INSL6: variants seen among roughly 807,000 people sequenced by gnomAD.
The protein encoded by INSL6 is insulin-like peptide INSL6.
INSL6 carries 16 observed loss-of-function variants against 9.4 expected under a neutral mutation model. That is an observed-to-expected ratio of 1.70 (90% CI 1.15 to 2.59). The LOEUF is 2.59. INSL6 is among the 30% of genes most tolerant of loss of function. INSL6 has a pLI of 0.00. For missense variants in INSL6, 391 were observed against 257.3 expected (o/e 1.52, Z -3.56); for synonymous variants, 154 against 96.9 (o/e 1.59, Z -3.46).
the INSL6 span, chr9:5,081,630 A>G: frequency 1.9e-3 from 1,471 of 791,790 alleles, 15 homozygotes; most frequent in African/African-American, 0.022. Context: ...AGTATTTTTA[A>G]CTCACGATTA....
downstream of INSL6, among the ~76,000 whole-genome samples, chr9:5,163,696 C>A (rs1212373906): frequency 1.3e-5 from 2 of 152,154 alleles, no homozygotes; most frequent in Non-Finnish European, 2.9e-5. Context: ...ATCAAACCAT[C>A]TCCAGATCTT....
the INSL6 span, chr9:5,097,858 C>T: frequency 6.6e-6 from 1 of 152,210 alleles, no homozygotes; most frequent in Admixed American, 6.5e-5. Flanking sequence ...TTCCCCCATT[C>T]TCAGGTTATA....
chr9:5,111,069 G>A, the INSL6 span: 1 of 1,205,826 alleles, frequency 8.3e-7, no homozygotes, highest in Non-Finnish European at 1.2e-6. Flanking sequence ...TTGAGAACTG[G>A]CCCAGCTCAG....
chr9:5,085,595 C>T, the INSL6 span: 11 of 696,066 alleles, frequency 1.6e-5, no homozygotes, highest in East Asian at 1.8e-4. Flanking sequence ...CCTATAGATA[C>T]TACAGAAAGA....
At chr9:5,057,178 T>C in the INSL6 span, among the ~76,000 whole-genome samples, 2 of 152,152 alleles carry the variant, frequency 1.3e-5, no homozygotes, top group Non-Finnish European at 2.9e-5. Flanking sequence ...TGTTTCTTGC[T>C]GAATTTTATT....
the INSL6 span, chr9:5,069,836 C>T: frequency 4.9e-3 from 3,669 of 744,120 alleles, 19 homozygotes; most frequent in Non-Finnish European, 6.1e-3. Flanking sequence ...ATTTCTTATA[C>T]GTAGAACACA....
chr9:5,117,786 C>T, the INSL6 span, among the ~76,000 whole-genome samples: 261 of 151,994 alleles, frequency 1.7e-3, no homozygotes, highest in African/African-American at 6.1e-3. Context: ...TAAGAGTATA[C>T]GAGGAAGCCT....
the INSL6 span, among the ~76,000 whole-genome samples, chr9:5,037,144 A>G: frequency 6.5e-3 from 992 of 152,350 alleles, 7 homozygotes; most frequent in African/African-American, 0.022. Flanking sequence ...ATGCAAATCA[A>G]AACCACAAAG....
the INSL6 span, chr9:5,108,460 T>C: frequency 6.6e-6 from 1 of 152,106 alleles, no homozygotes; most frequent in Non-Finnish European, 1.5e-5. Context: ...CTAGTAATGA[T>C]ATTTACTGAC....
At chr9:5,155,163 A>G (rs1379152452) in intron 2 of INSL6, among the ~76,000 whole-genome samples, 1 of 151,912 alleles carries the variant, frequency 6.6e-6, no homozygotes. Flanking sequence ...TGATGAGTTC[A>G]TGTCCTTTGT....
At chr9:4,998,855 G>A in the INSL6 span, among the ~76,000 whole-genome samples, 1 of 151,596 alleles carries the variant, frequency 6.6e-6, no homozygotes, top group Non-Finnish European at 1.5e-5. Context: ...TTTTGAGATG[G>A]AGTCTCCCTC....
chr9:5,149,428 A>G (rs1296424055), intron 2 of INSL6, among the ~76,000 whole-genome samples: 1 of 152,202 alleles, frequency 6.6e-6, no homozygotes, highest in Non-Finnish European at 1.5e-5. Flanking sequence ...CCATGATCTC[A>G]GCAGCATTTC....
At chr9:5,015,162 G>A in the INSL6 span, among the ~76,000 whole-genome samples, 2 of 152,154 alleles carry the variant, frequency 1.3e-5, no homozygotes, top group Non-Finnish European at 2.9e-5. Flanking sequence ...ATGCACAAAA[G>A]TATTTACCTA....
chr9:5,176,441 C>T (rs145376252), intron 1 of INSL6, among the ~76,000 whole-genome samples: 2 of 152,272 alleles, frequency 1.3e-5, no homozygotes, highest in East Asian at 1.9e-4. Flanking sequence ...GTTTTGTCCA[C>T]TGACATATTC....
intron 2 of INSL6, among the ~76,000 whole-genome samples, chr9:5,151,160 C>T (rs1464119474): frequency 6.6e-6 from 1 of 152,014 alleles, no homozygotes; most frequent in Non-Finnish European, 1.5e-5. Flanking sequence ...GATGGTGATA[C>T]CAAAGGCCCA....
At chr9:5,074,634 C>T in the INSL6 span, among the ~76,000 whole-genome samples, 1 of 152,212 alleles carries the variant, frequency 6.6e-6, no homozygotes, top group Non-Finnish European at 1.5e-5. Context: ...TCTCCCTCTC[C>T]TGGGGCCTCC....
chr9:5,104,780 T>A, the INSL6 span, among the ~76,000 whole-genome samples: 1 of 152,090 alleles, frequency 6.6e-6, no homozygotes, highest in Non-Finnish European at 1.5e-5. Context: ...ACGTAATCCA[T>A]AACATAAACA....
At chr9:5,156,979 T>C (rs1188264372) in intron 2 of INSL6, among the ~76,000 whole-genome samples, 1 of 152,184 alleles carries the variant, frequency 6.6e-6, no homozygotes, top group Non-Finnish European at 1.5e-5. Context: ...ACTGCGACAC[T>C]GCACTCCAGC....
chr9:5,089,559 AAAAAAAGAC>A, the INSL6 span: 12 of 364,220 alleles, frequency 3.3e-5, no homozygotes, highest in African/African-American at 2.6e-4. Flanking sequence ...AAAAAAAAAA[AAAAAAAGAC>A]AGTCTGCTAA....
Sources: allele counts gnomAD v4.1 joint callset (sites outside exome capture counted in the v4.1 genomes callset), GRCh38; gene constraint gnomAD v4.1.1; transcripts MANE v1.5; gene names NCBI Gene and HGNC (gene_info 2026-07-23, HGNC 2026-07-21).